NHSL3: variants seen among roughly 807,000 people sequenced by gnomAD.
The protein encoded by NHSL3 is NHS-like protein 3.
At chr1:32,746,612 G>A in the NHSL3 span, among the ~76,000 whole-genome samples, 1 of 152,208 alleles carries the variant, frequency 6.6e-6, no homozygotes, top group East Asian at 1.9e-4. Flanking sequence ...AGGTCACTCA[G>A]CTTCATTTAT....
At chr1:32,752,126 A>G in the NHSL3 span, among the ~76,000 whole-genome samples, 1 of 152,122 alleles carries the variant, frequency 6.6e-6, no homozygotes, top group Non-Finnish European at 1.5e-5. Context: ...TCTCTGTGCA[A>G]AGTGTACACG....
the NHSL3 span, among the ~76,000 whole-genome samples, chr1:32,753,746 A>G: frequency 3.3e-5 from 5 of 151,972 alleles, no homozygotes; most frequent in African/African-American, 1.2e-4. Context: ...GCTCCATTGC[A>G]CTCCTCAGAG....
chr1:32,755,356 A>G, the NHSL3 span, among the ~76,000 whole-genome samples: 1 of 152,194 alleles, frequency 6.6e-6, no homozygotes, highest in Non-Finnish European at 1.5e-5. Flanking sequence ...GGGAGAATCT[A>G]CGGGTGTATT....
the NHSL3 span, chr1:32,772,048 G>A: frequency 2.7e-5 from 43 of 1,608,762 alleles, no homozygotes; most frequent in Non-Finnish European, 3.5e-5. Context: ...CGGACCGCCT[G>A]AGGCAGAGCC....
chr1:32,770,758 C>G, the NHSL3 span: 2 of 1,572,892 alleles, frequency 1.3e-6, no homozygotes, highest in Non-Finnish European at 8.7e-7. This position sits in a 1 kb window ranked among gnomAD's most constrained non-coding sequence, Gnocchi z 8.3. Flanking sequence ...TAAGCCTGAG[C>G]GTAAGCAGCA....
the NHSL3 span, among the ~76,000 whole-genome samples, chr1:32,769,396 C>T: frequency 1.3e-5 from 2 of 152,146 alleles, no homozygotes; most frequent in African/African-American, 4.8e-5. Context: ...GGATAAGTAC[C>T]CTATTGGAAT....
the NHSL3 span, among the ~76,000 whole-genome samples, chr1:32,742,579 G>T: frequency 6.6e-6 from 1 of 152,368 alleles, no homozygotes; most frequent in South Asian, 2.1e-4. Flanking sequence ...GGTGGCCTTG[G>T]GTCTCTGGTG....
chr1:32,769,009 G>C, the NHSL3 span: 36 of 417,520 alleles, frequency 8.6e-5, no homozygotes, highest in Non-Finnish European at 1.4e-4. Context: ...CCAGCACTTT[G>C]GGAGGTCGAG....
the NHSL3 span, among the ~76,000 whole-genome samples, chr1:32,752,950 CATATATAT>C: frequency 0.036 from 1,523 of 42,520 alleles, 31 homozygotes; most frequent in African/African-American, 0.084. Context: ...CACACACACA[CATATATAT>C]ATATATATAT....
At chr1:32,765,752 C>A in the NHSL3 span, 2 of 1,547,266 alleles carry the variant, frequency 1.3e-6, no homozygotes, top group Non-Finnish European at 1.7e-6. Flanking sequence ...GGGAACGTCT[C>A]GAGTGGCGCC....
At chr1:32,769,742 G>C in the NHSL3 span, 13 of 1,613,978 alleles carry the variant, frequency 8.1e-6, no homozygotes, top group Non-Finnish European at 8.5e-6. Flanking sequence ...CGGGAGCGGC[G>C]GAGCACTGTG....
the NHSL3 span, chr1:32,769,068 G>A: frequency 3.9e-6 from 1 of 256,898 alleles, no homozygotes; most frequent in Non-Finnish European, 7.5e-6. Flanking sequence ...GGCTAACACG[G>A]TGAATGAAAC....
the NHSL3 span, chr1:32,771,293 A>T: frequency 6.2e-7 from 1 of 1,605,184 alleles, no homozygotes; most frequent in Non-Finnish European, 8.5e-7. Context: ...GCCAGTCCTC[A>T]GTCCCCTCCC....
the NHSL3 span, among the ~76,000 whole-genome samples, chr1:32,755,112 C>G: frequency 6.6e-6 from 1 of 152,178 alleles, no homozygotes; most frequent in Non-Finnish European, 1.5e-5. Context: ...ATTCCTGTTT[C>G]CCCCAACAAG....
the NHSL3 span, among the ~76,000 whole-genome samples, chr1:32,752,958 T>TACACACACAC: frequency 1.8e-3 from 10 of 5,442 alleles, no homozygotes; most frequent in African/African-American, 2.5e-3. Context: ...CACATATATA[T>TACACACACAC]ATATATATAT....
the NHSL3 span, among the ~76,000 whole-genome samples, chr1:32,743,072 C>A: frequency 6.6e-6 from 1 of 152,204 alleles, no homozygotes; most frequent in African/African-American, 2.4e-5. Flanking sequence ...CAGTTCCTTT[C>A]TTGGGCCTTC....
chr1:32,754,466 C>A, the NHSL3 span, among the ~76,000 whole-genome samples: 337 of 151,718 alleles, frequency 2.2e-3, 2 homozygotes, highest in African/African-American at 7.8e-3. Flanking sequence ...CCCACACTCT[C>A]GTACCATCGC....
the NHSL3 span, among the ~76,000 whole-genome samples, chr1:32,757,312 G>A: frequency 3.3e-5 from 5 of 152,044 alleles, no homozygotes; most frequent in East Asian, 3.9e-4. Flanking sequence ...AAAGTGGGGT[G>A]TTAGGAAGAT....
At chr1:32,768,621 G>A in the NHSL3 span, 43 of 1,612,556 alleles carry the variant, frequency 2.7e-5, no homozygotes, top group Middle Eastern at 5.0e-4. Flanking sequence ...TGAGGAGACA[G>A]CCCCACCCAG....
Sources: gnomAD v4.1 joint callset for allele counts (sites outside exome capture counted in the v4.1 genomes callset) on GRCh38, gnomAD v4.1.1 for gene constraint, Gnocchi (gnomAD v3.1) non-coding constraint, MANE v1.5 for transcripts, NCBI Gene and HGNC (gene_info 2026-07-23, HGNC 2026-07-21) for gene names.